The following POU2F3 variants were observed in gnomAD, a reference collection of about 807,000 sequenced individuals.
POU2F3 encodes POU class 2 homeobox 3.
Under a neutral mutation model 59.2 loss-of-function variants are expected in POU2F3, and 23 were observed. That is an observed-to-expected ratio of 0.39 (90% CI 0.28 to 0.55). The LOEUF is 0.55. POU2F3 is among the 20% of genes least tolerant of loss of function. POU2F3 has a pLI of 0.66. For missense variants in POU2F3, 473 were observed against 544.5 expected (o/e 0.87, Z 1.31); for synonymous variants, 190 against 214.6 (o/e 0.89, Z 1.00).
intron 1 of POU2F3, among the ~76,000 whole-genome samples, chr11:120,244,370 C>T (rs1938786647): frequency 6.6e-6 from 1 of 152,168 alleles, no homozygotes; most frequent in African/African-American, 2.4e-5. Context: ...TTATTAGGTG[C>T]TTACTTTGTG....
At chr11:120,266,675 G>GA (rs1447245737) in intron 2 of POU2F3, among the ~76,000 whole-genome samples, 1 of 152,164 alleles carries the variant, frequency 6.6e-6, no homozygotes, top group African/African-American at 2.4e-5. Flanking sequence ...TTTGTTCAGA[G>GA]AAAATGTCAC....
At chr11:120,315,284 C>T in intron 10 of POU2F3, 77 bp from the exon 11 acceptor site, 2 of 1,334,882 alleles carry the variant, frequency 1.5e-6, no homozygotes, top group South Asian at 1.2e-5. Context: ...AGTCTGGGGC[C>T]TACTGTCTTT....
intron 7 of POU2F3, 127 bp downstream of exon 7, chr11:120,305,339 T>A: frequency 8.9e-7 from 1 of 1,128,602 alleles, no homozygotes; most frequent in Non-Finnish European, 1.2e-6. Flanking sequence ...TGTCCCTGAG[T>A]TCTCTGAGAA....
intron 3 of POU2F3, among the ~76,000 whole-genome samples, chr11:120,293,815 G>A (rs1565380079): frequency 6.6e-6 from 1 of 152,164 alleles, no homozygotes; most frequent in Non-Finnish European, 1.5e-5. Flanking sequence ...GTGTACGTCT[G>A]GGCCAGAAGA....
rs7127787 is a variant in POU2F3 at position 120,243,675 on chromosome 11, G to C, written c.29-2774G>C. On this transcript the variant is annotated intron_variant, in intron 1 of 12. Transcript: ENST00000543440. ...GGGTTACAGTGTCTCAGGGAGTTTCGGTGTTGGCCCATTTTTAGGCTGAGA... is the reference window on the plus strand; with the variant it reads ...GGGTTACAGTGTCTCAGGGAGTTTCCGTGTTGGCCCATTTTTAGGCTGAGA... Among the ~76,000 whole-genome samples, 1,089 of 152,272 alleles carry C rather than the reference G, an allele frequency of 7.2e-3. 11 individuals are homozygous for C. The highest frequency in any genetic ancestry group is 0.025 in the African/African-American group (1,054 of 41,542).
In POU2F3 at chr11:120,241,581, G is replaced by A. The variant is rs1938665078; in HGVS notation, c.28+1210G>A. ...GCCATCCAACTGGGTGTCATCCAGAGTCTGAGGAAAGTCTGTTTCTAGACT... is the reference window on the plus strand; with the variant it reads ...GCCATCCAACTGGGTGTCATCCAGAATCTGAGGAAAGTCTGTTTCTAGACT... On this transcript the variant is annotated intron_variant, in intron 1 of 12. Transcript: ENST00000543440. 6.6e-5 allele frequency among the ~76,000 whole-genome samples: 10 copies of A among 152,342 alleles called. No individual in the cohort carries two copies. The South Asian group carries it at 1.9e-3, about 28-fold the overall frequency.
At chr11:120,300,918 C>A in intron 5 of POU2F3, 3 of 398,592 alleles carry the variant, frequency 7.5e-6, no homozygotes, top group Admixed American at 2.8e-5. Context: ...GTTTCCAAGG[C>A]ACCTCAGAAT....
At chr11:120,269,152 C>T (rs532920216) in intron 2 of POU2F3, 58 bp from the exon 3 acceptor site, 4 of 1,400,116 alleles carry the variant, frequency 2.9e-6, no homozygotes, top group South Asian at 1.2e-5. Flanking sequence ...TTTTTTCTAA[C>T]CTTCAGCTCT....
At chr11:120,261,960 A>G (rs954706937) in intron 2 of POU2F3, among the ~76,000 whole-genome samples, 3 of 152,202 alleles carry the variant, frequency 2.0e-5, no homozygotes, top group Non-Finnish European at 4.4e-5. Context: ...TTCACTGTGG[A>G]CAGGTACACT....
chr11:120,288,698 G>A (rs995009620), intron 3 of POU2F3, among the ~76,000 whole-genome samples: 4 of 151,326 alleles, frequency 2.6e-5, no homozygotes, highest in Admixed American at 1.3e-4. Flanking sequence ...AGGTCTGTGG[G>A]CCACACCCCT....
chr11:120,246,424 A>C, intron 1 of POU2F3, 25 bp from the exon 2 acceptor site: 1 of 1,613,008 alleles, frequency 6.2e-7, no homozygotes, highest in South Asian at 1.1e-5. Flanking sequence ...ACCTGTTATT[A>C]AAATCAGTTG....
intron 2 of POU2F3, among the ~76,000 whole-genome samples, chr11:120,263,328 C>T (rs1210450673): frequency 6.6e-6 from 1 of 152,168 alleles, no homozygotes; most frequent in Admixed American, 6.6e-5. Context: ...GTTCCACCTC[C>T]CCATCTTTGA....
chr11:120,279,230 T>C (rs1349519894), intron 3 of POU2F3, among the ~76,000 whole-genome samples: 2 of 152,044 alleles, frequency 1.3e-5, no homozygotes, highest in African/African-American at 4.8e-5. Context: ...CCGTGTGATA[T>C]GGTGGTTGGG....
chr11:120,280,326 G>C (rs1045275002), intron 3 of POU2F3, among the ~76,000 whole-genome samples: 2 of 152,162 alleles, frequency 1.3e-5, no homozygotes, highest in African/African-American at 4.8e-5. Context: ...CCATTTTAAA[G>C]ATGAAGAAAC....
intron 10 of POU2F3, among the ~76,000 whole-genome samples, 200 bp from the exon 11 acceptor site, chr11:120,315,161 C>A (rs1050608121): frequency 2.6e-5 from 4 of 152,168 alleles, no homozygotes; most frequent in African/African-American, 9.7e-5. Context: ...ACTTCCGGGG[C>A]AGACTGGACC....
intron 3 of POU2F3, among the ~76,000 whole-genome samples, chr11:120,273,548 G>A (rs1022926932): frequency 3.3e-5 from 5 of 152,186 alleles, no homozygotes; most frequent in African/African-American, 1.2e-4. Context: ...TATTCTGTGG[G>A]CAGTAAGGCG....
At chr11:120,247,127 A>T (rs1938909498) in intron 2 of POU2F3, among the ~76,000 whole-genome samples, 1 of 152,236 alleles carries the variant, frequency 6.6e-6, no homozygotes, top group African/African-American at 2.4e-5. Flanking sequence ...AAGAAGAATT[A>T]AAAAAGAGAG....
At chr11:120,236,910 T>A (rs938138091), upstream of POU2F3, among the ~76,000 whole-genome samples, 6 of 152,072 alleles carry the variant, frequency 3.9e-5, no homozygotes, top group Admixed American at 2.0e-4. Context: ...TGCTGAGCCA[T>A]ATGTTTGTTC....
chr11:120,248,939 AG>A (rs1265797213), intron 2 of POU2F3, among the ~76,000 whole-genome samples: 2 of 152,226 alleles, frequency 1.3e-5, no homozygotes, highest in Non-Finnish European at 2.9e-5. Flanking sequence ...TGGGTTTTAA[AG>A]GAACTATAAA....
Sources: gnomAD v4.1 joint callset for allele counts (sites outside exome capture counted in the v4.1 genomes callset) on GRCh38, gnomAD v4.1.1 for gene constraint, MANE v1.5 for transcripts, NCBI Gene and HGNC (gene_info 2026-07-23, HGNC 2026-07-21) for gene names.